Variants in DLGAP2 observed in about 807,000 individuals in gnomAD.
DLGAP2 encodes disks large-associated protein 2.
DLGAP2 carries 26 observed loss-of-function variants against 100.3 expected under a neutral mutation model. The observed-to-expected ratio is 0.26, with a 90% CI of 0.19 to 0.36. The LOEUF (loss-of-function observed/expected upper bound fraction) is 0.36. DLGAP2 is among the 10% of genes least tolerant of loss of function. DLGAP2 has a pLI of 1.00. For missense variants in DLGAP2, 1,858 were observed against 1,453.2 expected (o/e 1.28, Z -4.53); for synonymous variants, 886 against 630.1 (o/e 1.41, Z -6.08).
rs180811178 is a variant in DLGAP2 at position 955,492 on chromosome 8, T to C, written c.73+47526T>C. Reference sequence around the variant, plus strand: ...TACCTTCTCTGTGTGCTGCTCTGTGTGAGGTTCCTTGATCCCCATTTCTGA... The same window carrying C: ...TACCTTCTCTGTGTGCTGCTCTGTGCGAGGTTCCTTGATCCCCATTTCTGA... On this transcript the variant is annotated intron_variant, in intron 2 of 14. Transcript: ENST00000637795. 2.8e-3 allele frequency among the ~76,000 whole-genome samples: 419 copies of C among 152,250 alleles called. 4 individuals carry two copies. Among genetic ancestry groups the C allele is most frequent in the African/African-American group, 9.3e-3 (388 of 41,556 alleles).
At chr8:1,344,880 C>A (rs1801518892) in intron 3 of DLGAP2, among the ~76,000 whole-genome samples, 1 of 152,152 alleles carries the variant, frequency 6.6e-6, no homozygotes, top group African/African-American at 2.4e-5. Flanking sequence ...GAAGGCTGGC[C>A]TCCCTCCTGG....
At chr8:938,041 C>T (rs1032209913) in intron 2 of DLGAP2, among the ~76,000 whole-genome samples, 22 of 152,180 alleles carry the variant, frequency 1.4e-4, no homozygotes, top group Non-Finnish European at 2.5e-4. Context: ...TCCTTCCACA[C>T]ATATCTGCTG....
chr8:1,476,389 G>A (rs1290793391), intron 3 of DLGAP2, among the ~76,000 whole-genome samples: 7 of 151,596 alleles, frequency 4.6e-5, no homozygotes, highest in Admixed American at 1.3e-4. Context: ...TATTCCCATC[G>A]CGCCTGTGAC....
At chr8:1,588,005 G>C (rs1160827275) in intron 6 of DLGAP2, among the ~76,000 whole-genome samples, 1 of 152,138 alleles carries the variant, frequency 6.6e-6, no homozygotes, top group Non-Finnish European at 1.5e-5. Context: ...CCATAACCAA[G>C]GGCCTTACCT....
At chr8:1,324,360 T>G (rs1563083281) in intron 3 of DLGAP2, among the ~76,000 whole-genome samples, 1 of 152,298 alleles carries the variant, frequency 6.6e-6, no homozygotes, top group South Asian at 2.1e-4. Context: ...TAGTCCTGAG[T>G]TTGACTTTAC....
chr8:1,633,026 C>A lies in DLGAP2; in HGVS notation c.1790C>A (p.Ser597Tyr). 1.9e-6 allele frequency: 3 copies of A among 1,613,966 alleles called. No individual in the cohort carries two copies. Among genetic ancestry groups the A allele is most frequent in the African/African-American group, 1.3e-5 (1 of 75,036 alleles). ...ATGATGACACCCTCTGACATCACCTCCACCATCAGGTCAACAGCAGGTAAG... is the reference window on the plus strand; with the variant it reads ...ATGATGACACCCTCTGACATCACCTACACCATCAGGTCAACAGCAGGTAAG... ...IPMMTPSDIT[S>Y]TIRSTAAVSY... The change falls in exon 8 of 15, where the codon TCC becomes TAC. Residue 597 changes from serine (S) to tyrosine (Y), a missense_variant. Physicochemically the swap from Ser to Tyr is moderately radical, Grantham distance 144. Transcript: ENST00000637795.
intron 8 of DLGAP2, among the ~76,000 whole-genome samples, chr8:1,639,742 G>T (rs1315797118): frequency 6.6e-6 from 1 of 152,216 alleles, no homozygotes; most frequent in Non-Finnish European, 1.5e-5. Flanking sequence ...GAGGCTTCCG[G>T]GGAGCCCGCT....
intron 1 of DLGAP2, among the ~76,000 whole-genome samples, chr8:832,210 T>C (rs1298718522): frequency 6.6e-6 from 1 of 152,240 alleles, no homozygotes; most frequent in Admixed American, 6.5e-5. Context: ...AGAAGTTCTT[T>C]AGTTTAATTA....
At chr8:1,147,302 T>C (rs971025690) in intron 2 of DLGAP2, among the ~76,000 whole-genome samples, 2 of 152,170 alleles carry the variant, frequency 1.3e-5, no homozygotes, top group Non-Finnish European at 2.9e-5. Context: ...GTAAAATAAT[T>C]TACAGGTTTT....
Position 943,833 on chromosome 8 carries a change from A to G in DLGAP2, c.73+35867A>G, listed in dbSNP as rs377721962. Among the ~76,000 whole-genome samples, 28 of 152,396 alleles carry G rather than the reference A, an allele frequency of 1.8e-4. No homozygotes were observed. In the East Asian group the frequency reaches 2.5e-3, roughly 14 times the overall value. Reference sequence around the variant, plus strand: ...GTGAAACATTATGGATTAGATTGAAAATTGTCAAAAGTTAATGAAGGTATC... The same window carrying G: ...GTGAAACATTATGGATTAGATTGAAGATTGTCAAAAGTTAATGAAGGTATC... On this transcript the variant is annotated intron_variant, in intron 2 of 14. Coordinates refer to ENST00000637795, the MANE Select transcript of DLGAP2 (RefSeq NM_001346810.2).
intron 1 of DLGAP2, among the ~76,000 whole-genome samples, chr8:816,109 T>TA (rs1796471860): frequency 6.6e-6 from 1 of 152,220 alleles, no homozygotes; most frequent in African/African-American, 2.4e-5. Flanking sequence ...CCTTATATGT[T>TA]AGGTTAGTCT....
intron 2 of DLGAP2, among the ~76,000 whole-genome samples, chr8:1,075,944 C>T (rs1291595369): frequency 6.6e-6 from 1 of 152,060 alleles, no homozygotes; most frequent in Non-Finnish European, 1.5e-5. Flanking sequence ...CCCGAAAAAT[C>T]ACAGGATGGT....
chr8:1,008,049 G>A (rs189317033), intron 2 of DLGAP2, among the ~76,000 whole-genome samples: 175 of 152,230 alleles, frequency 1.1e-3, no homozygotes, highest in Non-Finnish European at 1.8e-3. Flanking sequence ...TGAAAATGAC[G>A]TGCACTCTCC....
At chr8:956,142 T>C (rs6980871) in intron 2 of DLGAP2, among the ~76,000 whole-genome samples, 1,916 of 152,306 alleles carry the variant, frequency 0.013, 46 homozygotes, top group African/African-American at 0.044. Context: ...GCTTGAGATA[T>C]ATAATTTGTG....
At chr8:1,593,892 C>A (rs897076884) in intron 6 of DLGAP2, among the ~76,000 whole-genome samples, 3 of 152,212 alleles carry the variant, frequency 2.0e-5, no homozygotes, top group Admixed American at 6.5e-5. Context: ...CCATGCATCC[C>A]ACACCTCAGC....
chr8:1,432,363 GA>G (rs1797477058), intron 3 of DLGAP2, among the ~76,000 whole-genome samples: 2 of 152,190 alleles, frequency 1.3e-5, no homozygotes, highest in African/African-American at 4.8e-5. Flanking sequence ...AATAATGGTA[GA>G]GGGGATGAAA....
intron 2 of DLGAP2, among the ~76,000 whole-genome samples, chr8:1,069,001 G>A (rs571304427): frequency 1.2e-3 from 184 of 152,248 alleles, no homozygotes; most frequent in Non-Finnish European, 2.5e-3. Flanking sequence ...ACAGGAATGT[G>A]CCTAATGGAA....
chr8:1,176,325 C>G (rs536850036), intron 2 of DLGAP2, among the ~76,000 whole-genome samples: 1 of 150,108 alleles, frequency 6.7e-6, no homozygotes, highest in African/African-American at 2.5e-5. Context: ...TCAGGTTCCT[C>G]GCTCCACACA....
intron 3 of DLGAP2, among the ~76,000 whole-genome samples, chr8:1,497,403 G>A (rs929236686): frequency 9.9e-5 from 15 of 152,278 alleles, no homozygotes; most frequent in South Asian, 4.1e-4. Context: ...ATTTCAGAAC[G>A]TCTCAGAGCG....
Sources: allele counts gnomAD v4.1 joint callset (sites outside exome capture counted in the v4.1 genomes callset), GRCh38; gene constraint gnomAD v4.1.1; transcripts MANE v1.5; gene names NCBI Gene and HGNC (gene_info 2026-07-23, HGNC 2026-07-21).